TMEM132D: variants seen among roughly 807,000 people sequenced by gnomAD.
TMEM132D encodes the protein mature OL transmembrane protein.
A neutral mutation model predicts 62.3 loss-of-function variants in TMEM132D; 21 were observed. That is an observed-to-expected ratio of 0.34 (90% CI 0.24 to 0.49). The LOEUF is 0.49. TMEM132D is among the 20% of genes least tolerant of loss of function. TMEM132D has a pLI of 0.99. For synonymous variants in TMEM132D, 621 were observed against 575.6 expected (o/e 1.08, Z -1.13); for missense variants, 1,346 against 1,402.8 (o/e 0.96, Z 0.65).
rs1874196039 is a variant in TMEM132D at position 129,074,749 on chromosome 12, C to A, written c.2426G>T (p.Ser809Ile). 6.2e-7 allele frequency: 1 copy of A among 1,614,176 alleles called. No homozygotes were observed. Residue 809 changes from serine (S) to isoleucine (I), a missense_variant, in exon 9 of 9, where the codon AGC becomes ATC. Transcript: ENST00000422113. ...QNDANPNTSD[S>I]RHTGAGVHME... ...GTGAACCCCTGCCCCTGTGTGTCTG[C>A]TGTCACTGGTGTTGGGGTTAGCATC... is the stretch of plus-strand genomic sequence containing the variant.
At chr12:129,763,136 G>A (rs114829547) in intron 1 of TMEM132D, among the ~76,000 whole-genome samples, 3,338 of 152,268 alleles carry the variant, frequency 0.022, 127 homozygotes, top group African/African-American at 0.075. Context: ...GGAGTGCAGT[G>A]ATGCAATCTC....
chr12:129,432,933 A>T (rs1282314324), intron 3 of TMEM132D, among the ~76,000 whole-genome samples: 1 of 152,200 alleles, frequency 6.6e-6, no homozygotes, highest in Non-Finnish European at 1.5e-5. Flanking sequence ...TTGCAGGTAG[A>T]ACCTACCCCC....
At chr12:129,213,671 A>G (rs1879116645) in intron 4 of TMEM132D, among the ~76,000 whole-genome samples, 1 of 152,166 alleles carries the variant, frequency 6.6e-6, no homozygotes, top group Admixed American at 6.5e-5. Context: ...ACCTAGTAGT[A>G]GAGGAAGCAA....
At chr12:129,298,225 A>G (rs1313333391) in intron 4 of TMEM132D, among the ~76,000 whole-genome samples, 1 of 152,220 alleles carries the variant, frequency 6.6e-6, no homozygotes, top group East Asian at 1.9e-4. Context: ...AAGCAACGAC[A>G]GGCTTGAGGA....
chr12:129,851,860 T>G (rs1471904156), intron 1 of TMEM132D, among the ~76,000 whole-genome samples: 1 of 152,266 alleles, frequency 6.6e-6, no homozygotes, highest in Non-Finnish European at 1.5e-5. Context: ...AGTATGGCTA[T>G]ATTTTAATAA....
intron 3 of TMEM132D, among the ~76,000 whole-genome samples, chr12:129,484,276 C>G (rs1208456592): frequency 1.3e-5 from 2 of 152,152 alleles, no homozygotes; most frequent in Non-Finnish European, 2.9e-5. Context: ...CCGCTCCTGA[C>G]AGTTACTTAT....
chr12:129,766,699 T>A (rs1369939964), intron 1 of TMEM132D, among the ~76,000 whole-genome samples: 2 of 152,112 alleles, frequency 1.3e-5, no homozygotes, highest in Non-Finnish European at 2.9e-5. Flanking sequence ...GTAACCCTTA[T>A]CCTTTATGAG....
chr12:129,401,243 C>A (rs1871612160), intron 3 of TMEM132D, among the ~76,000 whole-genome samples: 3 of 152,164 alleles, frequency 2.0e-5, no homozygotes, highest in African/African-American at 7.2e-5. Context: ...AGTTACAGGA[C>A]CACCCCATAT....
intron 5 of TMEM132D, chr12:129,110,149 C>T (rs931633327): frequency 6.6e-6 from 1 of 152,474 alleles, no homozygotes; most frequent in African/African-American, 2.4e-5. Flanking sequence ...GCATCGCATC[C>T]TGAAGCTCAG....
chr12:129,811,606 C>G (rs1038552837), intron 1 of TMEM132D, among the ~76,000 whole-genome samples: 2 of 151,772 alleles, frequency 1.3e-5, no homozygotes, highest in African/African-American at 4.8e-5. Context: ...TGCGACCTTA[C>G]CTGGCAAGAT....
At chr12:129,794,096 T>A (rs117645867) in intron 1 of TMEM132D, among the ~76,000 whole-genome samples, 15,334 of 150,764 alleles carry the variant, frequency 0.1, 1,008 homozygotes, top group East Asian at 0.21. Flanking sequence ...TTCTTTTTTT[T>A]AATTTTTTTT....
intron 4 of TMEM132D, among the ~76,000 whole-genome samples, chr12:129,278,479 G>T (rs578190620): frequency 6.6e-6 from 1 of 152,232 alleles, no homozygotes; most frequent in South Asian, 2.1e-4. Flanking sequence ...GCACTCCAAG[G>T]CTCCATCTTA....
intron 3 of TMEM132D, among the ~76,000 whole-genome samples, chr12:129,421,191 G>A (rs552545704): frequency 3.9e-5 from 6 of 152,180 alleles, no homozygotes; most frequent in African/African-American, 7.2e-5. Context: ...TCGAACTCCC[G>A]GCCTCAAATG....
At chr12:129,217,377 T>A (rs987245099) in intron 4 of TMEM132D, among the ~76,000 whole-genome samples, 1 of 152,132 alleles carries the variant, frequency 6.6e-6, no homozygotes, top group African/African-American at 2.4e-5. Flanking sequence ...CAGAGAGTTG[T>A]CACAGAGAGG....
At chr12:129,848,964 T>A in intron 1 of TMEM132D, among the ~76,000 whole-genome samples, 1 of 152,234 alleles carries the variant, frequency 6.6e-6, no homozygotes, top group East Asian at 1.9e-4. Flanking sequence ...CCAGCCAAGT[T>A]GATTTCCCTT....
intron 5 of TMEM132D, chr12:129,111,631 T>C (rs1337353377): frequency 2.6e-5 from 4 of 152,160 alleles, no homozygotes; most frequent in Admixed American, 2.0e-4. Flanking sequence ...AATCCACCCA[T>C]CATTTCTGAA....
At chr12:129,298,237 G>T (rs147371632) in intron 4 of TMEM132D, among the ~76,000 whole-genome samples, 59 of 152,278 alleles carry the variant, frequency 3.9e-4, no homozygotes, top group Non-Finnish European at 7.3e-4. Flanking sequence ...GCTTGAGGAA[G>T]ACTGAATTCT....
At chr12:129,106,381 C>T (rs1875499323) in intron 5 of TMEM132D, among the ~76,000 whole-genome samples, 2 of 151,500 alleles carry the variant, frequency 1.3e-5, no homozygotes, top group South Asian at 4.2e-4. Context: ...CTAACCTGCA[C>T]ATTGTGCACA....
chr12:129,700,329 T>C lies in TMEM132D; in HGVS notation c.449A>G (p.His150Arg), dbSNP rs1213030816. ...GTCGTCCCAGTCTCTGCCCATGATG[T>C]GGAACAGAACCTGCACTTTGGGCCG... ...LSRPKVQVLF[H>R]IMGRDWDDRS... The change falls in exon 2 of 9, where the codon CAC (histidine) becomes CGC (arginine). Residue 150 changes from histidine to arginine, a missense_variant. By Grantham distance (29) the His-to-Arg change is conservative (BLOSUM62 0). Coordinates refer to ENST00000422113, the MANE Select transcript of TMEM132D (RefSeq NM_133448.3). 1 of 1,614,040 alleles carries C rather than the reference T, an allele frequency of 6.2e-7. No homozygotes were observed. Among genetic ancestry groups the C allele is most frequent in the Non-Finnish European group, 8.5e-7 (1 of 1,180,044 alleles).
Sources: allele counts gnomAD v4.1 joint callset (sites outside exome capture counted in the v4.1 genomes callset), GRCh38; gene constraint gnomAD v4.1.1; transcripts MANE v1.5; gene names NCBI Gene and HGNC (gene_info 2026-07-23, HGNC 2026-07-21).